The following PCSK5 variants were observed in gnomAD, a reference collection of about 807,000 sequenced individuals.
PCSK5 encodes the protein proprotein convertase subtilisin/kexin type 5, also known as prohormone convertase 5.
Under a neutral mutation model 233.2 loss-of-function variants are expected in PCSK5, and 129 were observed. That is an observed-to-expected ratio of 0.55 (90% confidence interval 0.48 to 0.64). The LOEUF is 0.64. Among genes scored for constraint, PCSK5 ranks in the 30% least tolerant of loss-of-function variants. The pLI, the probability that PCSK5 is intolerant of heterozygous loss-of-function variation, is 0.00. For synonymous variants in PCSK5, 825 were observed against 879.2 expected (o/e 0.94, Z 1.09); for missense variants, 2,076 against 2,430.1 (o/e 0.85, Z 3.06).
At chr9:76,138,133 G>T (rs371026558) in intron 10 of PCSK5, among the ~76,000 whole-genome samples, 1 of 152,128 alleles carries the variant, frequency 6.6e-6, no homozygotes, top group Non-Finnish European at 1.5e-5. Context: ...AGCGCAGAAA[G>T]TGGGAGGGGA....
Position 75,898,524 on chromosome 9 carries a change from T to C in PCSK5, c.192+7151T>C, listed in dbSNP as rs183147491. On this transcript the variant is annotated intron_variant, in intron 1 of 37. Transcript: ENST00000674117. ...GTCTAGGAGGGTAGCAGTATTTTGATGGGTGAGCTTGGGTCACATGTCCTC... is the reference window on the plus strand; with the variant it reads ...GTCTAGGAGGGTAGCAGTATTTTGACGGGTGAGCTTGGGTCACATGTCCTC... Among the ~76,000 whole-genome samples the C allele has an allele frequency of 3.8e-4, 58 of 152,282 alleles. 1 individual carries two copies. The highest frequency in any genetic ancestry group is 3.5e-3 in the Admixed American group (53 of 15,302).
chr9:76,022,806 A>G (rs77669328), intron 3 of PCSK5, among the ~76,000 whole-genome samples: 3,704 of 152,300 alleles, frequency 0.024, 141 homozygotes, highest in African/African-American at 0.078. Context: ...CCTGTGTAGG[A>G]CACCTTTCTG....
At chr9:76,196,427 G>A (rs1203108395) in intron 20 of PCSK5, among the ~76,000 whole-genome samples, 1 of 152,256 alleles carries the variant, frequency 6.6e-6, no homozygotes, top group African/African-American at 2.4e-5. Context: ...ACATACCAGG[G>A]GGTGGGACTG....
intron 15 of PCSK5, among the ~76,000 whole-genome samples, chr9:76,180,751 A>C (rs1823829471): frequency 6.6e-6 from 1 of 152,158 alleles, no homozygotes; most frequent in Non-Finnish European, 1.5e-5. Flanking sequence ...TAAATTCCTT[A>C]AGAGAAAGGA....
intron 2 of PCSK5, among the ~76,000 whole-genome samples, chr9:75,964,553 C>A (rs1825493889): frequency 1.3e-5 from 2 of 152,198 alleles, no homozygotes; most frequent in African/African-American, 4.8e-5. Context: ...TAGCACCACC[C>A]CACCTGCCTT....
chr9:76,044,403 A>G (rs1157905550), intron 5 of PCSK5, among the ~76,000 whole-genome samples: 3 of 152,246 alleles, frequency 2.0e-5, no homozygotes, highest in Non-Finnish European at 4.4e-5. Flanking sequence ...TAGAAACATG[A>G]AAGTGTGCCT....
In PCSK5 at chr9:76,330,507, G is replaced by A. The variant is rs554355813; in HGVS notation, c.4571-1926G>A. Among the ~76,000 whole-genome samples, 135 of 152,226 alleles carry A rather than the reference G, an allele frequency of 8.9e-4. 1 individual carries two copies. Among genetic ancestry groups the A allele is most frequent in the African/African-American group, 3.3e-3 (135 of 41,538 alleles). ...CTCATGCCTGTAATCCCAGCACTTT[G>A]GGAGGTCGAGGCAGGAGGATTGCTT... On this transcript the variant is annotated intron_variant, in intron 33 of 37. Transcript: ENST00000674117.
At chr9:76,164,171 A>C (rs746266552) in intron 12 of PCSK5, among the ~76,000 whole-genome samples, 20 of 152,176 alleles carry the variant, frequency 1.3e-4, no homozygotes, top group Non-Finnish European at 1.2e-4. Flanking sequence ...TTTGTAAGGC[A>C]TCATGGTATA....
chr9:76,017,979 A>G (rs1828017687), intron 3 of PCSK5, among the ~76,000 whole-genome samples: 1 of 140,566 alleles, frequency 7.1e-6, no homozygotes, highest in South Asian at 2.3e-4. Flanking sequence ...GGTAATCTTG[A>G]GAGGAAAAGG....
At chr9:76,303,931 G>C (rs906574657) in intron 28 of PCSK5, among the ~76,000 whole-genome samples, 1 of 152,188 alleles carries the variant, frequency 6.6e-6, no homozygotes, top group Non-Finnish European at 1.5e-5. Context: ...CAGCGCTTTG[G>C]GAGACCAAGG....
chr9:76,109,852 G>T (rs1324647783), intron 9 of PCSK5, among the ~76,000 whole-genome samples: 1 of 152,108 alleles, frequency 6.6e-6, no homozygotes, highest in Admixed American at 6.6e-5. Context: ...GTACTAAAAG[G>T]GTGGGTCAGA....
At chr9:75,967,825 G>T (rs1340327268) in intron 2 of PCSK5, among the ~76,000 whole-genome samples, 1 of 151,382 alleles carries the variant, frequency 6.6e-6, no homozygotes, top group African/African-American at 2.4e-5. Flanking sequence ...GCAATGGTAT[G>T]ATCTCGGCTC....
intron 8 of PCSK5, among the ~76,000 whole-genome samples, chr9:76,103,251 C>T (rs1487923077): frequency 6.6e-6 from 1 of 152,182 alleles, no homozygotes; most frequent in Non-Finnish European, 1.5e-5. Context: ...TTTCTTGGCA[C>T]AATTCTAGTT....
chr9:76,169,710 T>C lies in PCSK5; in HGVS notation c.1626T>C (p.Phe542=), dbSNP rs1319885229. The stretch of plus-strand genomic sequence containing the variant: ...ATGTTTTGTTCACTTTCAGGCTATT[T>C]GATCACTCCATGGAAGGATTCAAAA... ...TRSQLLANRL[F]DHSMEGFKNW... Residue 542 remains phenylalanine (F), a synonymous_variant, in exon 13 of 38, where the codon TTT becomes TTC. Transcript: ENST00000674117. 6.2e-7 allele frequency: 1 copy of C among 1,613,096 alleles called. No homozygotes were observed. Among genetic ancestry groups the C allele is most frequent in the Non-Finnish European group, 8.5e-7 (1 of 1,179,414 alleles).
chr9:75,919,099 A>C (rs1264630702), intron 1 of PCSK5, among the ~76,000 whole-genome samples: 1 of 152,198 alleles, frequency 6.6e-6, no homozygotes, highest in Admixed American at 6.5e-5. Flanking sequence ...AAAATTCCTT[A>C]GTGCTGCTAT....
intron 2 of PCSK5, among the ~76,000 whole-genome samples, chr9:75,976,373 T>G (rs1826022863): frequency 6.6e-6 from 1 of 151,940 alleles, no homozygotes; most frequent in Non-Finnish European, 1.5e-5. Flanking sequence ...TAAGTTCTTT[T>G]TACCCTCTAG....
At chr9:75,959,776 A>G (rs2131341070) in intron 2 of PCSK5, among the ~76,000 whole-genome samples, 1 of 152,320 alleles carries the variant, frequency 6.6e-6, no homozygotes, top group South Asian at 2.1e-4. Context: ...AACTGAAAAG[A>G]CTATTTATTG....
chr9:76,352,870 C>A (rs1393537505), intron 36 of PCSK5, among the ~76,000 whole-genome samples: 3 of 138,852 alleles, frequency 2.2e-5, no homozygotes, highest in Admixed American at 7.9e-5. Flanking sequence ...TGGTGAAACC[C>A]CATCTCTACA....
chr9:75,958,289 C>T (rs1825182633), intron 2 of PCSK5, among the ~76,000 whole-genome samples: 2 of 152,144 alleles, frequency 1.3e-5, no homozygotes, highest in South Asian at 4.1e-4. Flanking sequence ...CAGCCTCTGA[C>T]CCAATCCAGG....
Sources: gnomAD v4.1 joint callset for allele counts (sites outside exome capture counted in the v4.1 genomes callset) on GRCh38, gnomAD v4.1.1 for gene constraint, MANE v1.5 for transcripts, NCBI Gene and HGNC (gene_info 2026-07-23, HGNC 2026-07-21) for gene names.